Variants in PDE12 observed in about 807,000 individuals in gnomAD.
PDE12 encodes 2',5'-phosphodiesterase 12.
A neutral mutation model predicts 45.4 loss-of-function variants in PDE12; 26 were observed. The observed-to-expected ratio is 0.57, with a 90% CI of 0.42 to 0.79. PDE12 has a LOEUF of 0.79. Among genes scored for constraint, PDE12 ranks in the 30% least tolerant of loss-of-function variants. The pLI is 0.00. For missense variants in PDE12, 668 were observed against 790.0 expected (o/e 0.85, Z 1.85); for synonymous variants, 283 against 323.9 (o/e 0.87, Z 1.36).
At chr3:57,613,558 C>A in the PDE12 span, among the ~76,000 whole-genome samples, 3 of 151,618 alleles carry the variant, frequency 2.0e-5, no homozygotes, top group African/African-American at 7.3e-5. Context: ...TCCCAAAGTG[C>A]TGGGATTACA....
At chr3:57,567,321 A>AT (rs2069795192), downstream of PDE12, among the ~76,000 whole-genome samples, 1 of 152,114 alleles carries the variant, frequency 6.6e-6, no homozygotes, top group South Asian at 2.1e-4. Flanking sequence ...CAAAAAAAAA[A>AT]AAAAATTGAA....
At chr3:57,626,002 T>C in the PDE12 span, 2 of 152,690 alleles carry the variant, frequency 1.3e-5, no homozygotes, top group Non-Finnish European at 2.9e-5. Context: ...TTTTGAAAAA[T>C]AATAAGATGA....
At chr3:57,593,153 A>C in the PDE12 span, among the ~76,000 whole-genome samples, 2 of 152,290 alleles carry the variant, frequency 1.3e-5, no homozygotes, top group East Asian at 3.9e-4. Context: ...ACAGTGAGCT[A>C]TGATCATGCC....
At chr3:57,643,750 C>T in the PDE12 span, among the ~76,000 whole-genome samples, 2 of 150,860 alleles carry the variant, frequency 1.3e-5, no homozygotes, top group African/African-American at 4.9e-5. Flanking sequence ...TCACTTGAAC[C>T]CAGGAGGTGA....
At chr3:57,605,443 GA>G in the PDE12 span, among the ~76,000 whole-genome samples, 1 of 152,040 alleles carries the variant, frequency 6.6e-6, no homozygotes, top group Non-Finnish European at 1.5e-5. Context: ...CAGCCAGATT[GA>G]AAAAAACTCA....
the PDE12 span, among the ~76,000 whole-genome samples, chr3:57,579,063 G>A: frequency 2.0e-5 from 3 of 151,820 alleles, no homozygotes; most frequent in South Asian, 4.2e-4. Context: ...CTGGGAGGCC[G>A]AGGCAGGTGG....
chr3:57,597,397 G>A, the PDE12 span: 2 of 334,228 alleles, frequency 6.0e-6, no homozygotes, highest in South Asian at 3.8e-5. Flanking sequence ...CACGTCACGC[G>A]GCGGCCGCGG....
chr3:57,652,445 A>G, the PDE12 span, among the ~76,000 whole-genome samples: 3 of 152,154 alleles, frequency 2.0e-5, no homozygotes, highest in Non-Finnish European at 4.4e-5. Context: ...AACCACAGAT[A>G]ACAACTTGAC....
At chr3:57,595,173 C>T in the PDE12 span, among the ~76,000 whole-genome samples, 1 of 152,082 alleles carries the variant, frequency 6.6e-6, no homozygotes, top group African/African-American at 2.4e-5. Flanking sequence ...TATGAAAATG[C>T]TGGTAGCATA....
chr3:57,650,258 C>G, the PDE12 span, among the ~76,000 whole-genome samples: 1 of 151,422 alleles, frequency 6.6e-6, no homozygotes, highest in South Asian at 2.1e-4. Flanking sequence ...TTCATGCAAC[C>G]AAACACCACC....
At chr3:57,598,778 T>TA in the PDE12 span, among the ~76,000 whole-genome samples, 35 of 151,922 alleles carry the variant, frequency 2.3e-4, no homozygotes, top group Admixed American at 2.0e-3. Context: ...GAGACTGTCT[T>TA]AAAAAAACAA....
Position 57,560,154 on chromosome 3 carries a change from CTG to C in PDE12, c.*152_*153del. The C allele has an allele frequency of 7.1e-7, 1 of 1,414,916 alleles. No individual in the cohort carries two copies. The highest frequency in any genetic ancestry group is 9.2e-7 in the Non-Finnish European group (1 of 1,090,354). The allele number at this position is 1,414,916 out of a possible 1,614,324, so 87.6% of individuals were successfully genotyped here. A position where few individuals can be genotyped will look rare whatever the true frequency, so the allele number is the denominator to read the frequency against. ...TGTTCCTGATGTCTTCGTTATGAAA[CTG>C]TTGATGTTTGCATCATACATCTTCT... On this transcript the variant is annotated 3_prime_UTR_variant, in exon 3 of 3. Coordinates refer to ENST00000311180, the MANE Select transcript of PDE12 (RefSeq NM_177966.7).
chr3:57,630,382 A>G, the PDE12 span: 1 of 1,499,980 alleles, frequency 6.7e-7, no homozygotes, highest in Non-Finnish European at 9.0e-7. Context: ...TTTATTTTCA[A>G]CAGTTGTTAA....
the PDE12 span, among the ~76,000 whole-genome samples, chr3:57,631,904 A>G: frequency 1.3e-5 from 2 of 148,182 alleles, no homozygotes; most frequent in Admixed American, 6.7e-5. Flanking sequence ...TTGTATTTTT[A>G]GTAGAGACGG....
the PDE12 span, among the ~76,000 whole-genome samples, chr3:57,598,713 G>A: frequency 1.3e-5 from 2 of 152,062 alleles, no homozygotes; most frequent in African/African-American, 2.4e-5. Context: ...CCCGGGAGGC[G>A]GAGGTTGCAG....
chr3:57,570,260 C>T (rs1381191858), downstream of PDE12, among the ~76,000 whole-genome samples: 4 of 128,208 alleles, frequency 3.1e-5, no homozygotes, highest in Admixed American at 9.4e-5. Flanking sequence ...TCTTGCAGAC[C>T]GTGTGCAGTG....
chr3:57,630,653 T>A, the PDE12 span: 1 of 1,562,214 alleles, frequency 6.4e-7, no homozygotes, highest in Non-Finnish European at 8.6e-7. Flanking sequence ...TAAGTTTAGC[T>A]TTTTGTTTTG....
Position 57,556,363 on chromosome 3 carries a change from G to T in PDE12, c.-17G>T, listed in dbSNP as rs1428286330. On this transcript the variant is annotated 5_prime_UTR_variant, in exon 1 of 3. Coordinates refer to ENST00000311180, the MANE Select transcript of PDE12 (RefSeq NM_177966.7). The surrounding 1 kb of genome is among the most constrained non-coding windows in gnomAD (Gnocchi z 5.0). ...TGATCGGCCGCGGGTCTTGTCGACC[G>T]CTAGGCCACCAGGTTCATGTGGAGG... 3 of 1,544,370 alleles carry T rather than the reference G, an allele frequency of 1.9e-6. No individual in the cohort carries two copies. The highest frequency in any genetic ancestry group is 4.9e-5 in the East Asian group (2 of 41,098).
the PDE12 span, among the ~76,000 whole-genome samples, chr3:57,581,543 G>A: frequency 4.6e-5 from 7 of 152,214 alleles, no homozygotes; most frequent in East Asian, 1.3e-3. Flanking sequence ...GCTCATGCCT[G>A]TAATCCCAGC....
Sources: allele counts gnomAD v4.1 joint callset (sites outside exome capture counted in the v4.1 genomes callset), GRCh38; gene constraint gnomAD v4.1.1; non-coding constraint Gnocchi (gnomAD v3.1); transcripts MANE v1.5; gene names NCBI Gene and HGNC (gene_info 2026-07-23, HGNC 2026-07-21).